The following ABCC3 variants were observed in gnomAD, a reference collection of about 807,000 sequenced individuals.
The protein encoded by ABCC3 is ATP-binding cassette sub-family C member 3.
ABCC3 carries 121 observed loss-of-function variants against 165.3 expected under a neutral mutation model. The ratio of observed to expected loss-of-function variants is 0.73; its 90% CI spans 0.63 to 0.85. The LOEUF is 0.85. ABCC3 is among the 40% of genes least tolerant of loss of function. ABCC3 has a pLI of 0.00. For synonymous variants in ABCC3, 733 were observed against 810.1 expected, an observed-to-expected ratio of 0.90 and a Z score of 1.62; for missense variants, 1,869 against 1,964.1, an observed-to-expected ratio of 0.95 and a Z score of 0.92.
chr17:50,691,233 C>T lies in ABCC3; in HGVS notation c.*33C>T, dbSNP rs759960456. The stretch of plus-strand genomic sequence containing the variant: ...TCCTGAGATTTCCTCCTGGCCTTTC[C>T]TGGTTTTCATCAGGAAGGAAATGAC... On this transcript the variant is annotated 3_prime_UTR_variant, in exon 31 of 31. Transcript: ENST00000285238. The T allele has an allele frequency of 6.5e-7, 1 of 1,549,960 alleles. No individual in the cohort carries two copies. Among genetic ancestry groups the T allele is most frequent in the Non-Finnish European group, 8.9e-7 (1 of 1,122,220 alleles).
intron 6 of ABCC3, 52 bp from the exon 7 acceptor site, chr17:50,659,185 G>C (rs373014894): frequency 1.2e-6 from 2 of 1,600,268 alleles, no homozygotes; most frequent in African/African-American, 2.7e-5. Flanking sequence ...GCTCCAGGCT[G>C]CTAAACCCTG....
chr17:50,656,608 T>A (rs1346911891), intron 2 of ABCC3, 94 bp from the exon 3 acceptor site: 2 of 1,502,576 alleles, frequency 1.3e-6, no homozygotes, highest in East Asian at 4.7e-5. Flanking sequence ...GCAGGTCTAG[T>A]GGATTCTGGT....
intron 11 of ABCC3, among the ~76,000 whole-genome samples, chr17:50,665,605 T>C (rs530554947): frequency 2.8e-5 from 4 of 142,994 alleles, no homozygotes; most frequent in South Asian, 2.2e-4. Context: ...AAGTGTTTTT[T>C]TTCTTTTTTT....
chr17:50,676,115 G>A (rs1967798941), intron 22 of ABCC3, 25 bp downstream of exon 22: 2 of 1,613,588 alleles, frequency 1.2e-6, no homozygotes, highest in East Asian at 2.2e-5. Context: ...GTGTCCAGAA[G>A]GGGCTCCAAT....
chr17:50,637,369 A>T (rs994133118), intron 1 of ABCC3, among the ~76,000 whole-genome samples: 1 of 152,176 alleles, frequency 6.6e-6, no homozygotes, highest in Admixed American at 6.5e-5. Context: ...ATCCTCTGCC[A>T]CAGCCTAATT....
chr17:50,675,581 T>G, intron 20 of ABCC3, 50 bp from the exon 21 acceptor site: 1 of 1,563,074 alleles, frequency 6.4e-7, no homozygotes, highest in Middle Eastern at 2.1e-4. Flanking sequence ...GCCTCTGTCC[T>G]GGGGGGTGCT....
At chr17:50,672,322 A>G (rs1967665833) in intron 17 of ABCC3, among the ~76,000 whole-genome samples, 1 of 152,244 alleles carries the variant, frequency 6.6e-6, no homozygotes, top group African/African-American at 2.4e-5. Context: ...CTCAAGGCAT[A>G]TCCATGTTGT....
chr17:50,675,683 C>T lies in ABCC3; in HGVS notation c.2767C>T (p.Arg923Trp), dbSNP rs371874263. ...DGEGQGRPVPRRHLGPSEKVQ... is the reference protein window; with the variant it reads ...DGEGQGRPVPWRHLGPSEKVQ... ...GGAGGGACAGGGTCGGCCTGTACCC[C>T]GGAGGCACCTGGGTCCATCAGAGAA... Residue 923 changes from arginine (R) to tryptophan (W), a missense_variant, in exon 21 of 31, where the codon CGG (arginine) becomes TGG (tryptophan). By Grantham distance (101) the Arg-to-Trp change is moderately radical. Transcript: ENST00000285238. The T allele has an allele frequency of 7.6e-6, 12 of 1,572,726 alleles. No homozygotes were observed. Among genetic ancestry groups the T allele is most frequent in the Admixed American group, 5.7e-5 (3 of 53,016 alleles).
chr17:50,666,008 C>A (rs1006329900), intron 11 of ABCC3, among the ~76,000 whole-genome samples: 6 of 152,116 alleles, frequency 3.9e-5, no homozygotes, highest in Admixed American at 6.5e-5. Context: ...GTCCTCACCC[C>A]CTGCGGACTG....
rs754930401 is a variant in ABCC3, at chr17:50,676,271, C to G, written c.3068-7C>G. 9.3e-6 allele frequency: 15 copies of G among 1,609,266 alleles called. No individual in the cohort carries two copies. The highest frequency in any genetic ancestry group is 1.3e-5 in the Non-Finnish European group (15 of 1,177,460). Reference sequence around the variant, plus strand: ...GGTGAGCCAGCGCCCTCTGCCTTCTCCAACAGGGTTCTTGGTGATGCTGGC... The same window carrying G: ...GGTGAGCCAGCGCCCTCTGCCTTCTGCAACAGGGTTCTTGGTGATGCTGGC... On this transcript the variant is annotated splice_region_variant and splice_polypyrimidine_tract_variant and intron_variant, in intron 22 of 30. Coordinates refer to ENST00000285238, the MANE Select transcript of ABCC3 (RefSeq NM_003786.4).
chr17:50,654,240 T>C (rs1967176228), intron 1 of ABCC3, among the ~76,000 whole-genome samples: 1 of 152,190 alleles, frequency 6.6e-6, no homozygotes, highest in Non-Finnish European at 1.5e-5. Context: ...GTGGATGAGA[T>C]TGTGGGTGGT....
chr17:50,687,754 T>C (rs778581585), intron 30 of ABCC3, 24 bp downstream of exon 30: 1 of 1,605,950 alleles, frequency 6.2e-7, no homozygotes, highest in South Asian at 1.1e-5. Flanking sequence ...ACCTGAGCAA[T>C]GGGGAACCTG....
In ABCC3 at chr17:50,669,266, G is replaced by A. The variant is rs1475129904; in HGVS notation, c.2064G>A (p.Lys688=). The A allele has an allele frequency of 1.2e-6, 2 of 1,614,124 alleles. No homozygotes were observed. The highest frequency in any genetic ancestry group is 1.7e-6 in the Non-Finnish European group (2 of 1,180,018). Residue 688 remains lysine, a splice_region_variant and synonymous_variant, in exon 16 of 31, where the codon AAG becomes AAA. Coordinates refer to ENST00000285238, the MANE Select transcript of ABCC3 (RefSeq NM_003786.4). ...MEKLEGKVHM[K]GSVAYVPQQA... is the part of the protein sequence containing the mutation. Reference sequence around the variant, plus strand: ...AGCTAGAAGGCAAAGTGCACATGAAGGTGAGAGAGGCAGGGGCTCCTGGGC... The same window carrying A: ...AGCTAGAAGGCAAAGTGCACATGAAAGTGAGAGAGGCAGGGGCTCCTGGGC...
rs953805165 is a variant in ABCC3 at position 50,674,882 on chromosome 17, C to A, written c.2600-480C>A. Among the ~76,000 whole-genome samples, 83 of 151,640 alleles carry A rather than the reference C, an allele frequency of 5.5e-4. 1 individual carries two copies. The highest frequency in any genetic ancestry group is 2.0e-4 in the Admixed American group (3 of 15,200). ...CGGTGCGATCTTGGCTCACTGCAAC[C>A]TTTGCCTCCTGGGTTCAAGCGATTC... is the stretch of plus-strand genomic sequence containing the variant. On this transcript the variant is annotated intron_variant, in intron 19 of 30. Coordinates refer to ENST00000285238, the MANE Select transcript of ABCC3 (RefSeq NM_003786.4).
chr17:50,673,586 G>A lies in ABCC3; in HGVS notation c.2527G>A (p.Gly843Ser), dbSNP rs759454160. Reference protein sequence around the residue: ...GPYPALLQRNGSFANFLCNYA... With the variant: ...GPYPALLQRNSSFANFLCNYA... ...GTACCCAGCCCTGCTGCAGCGCAACGGCTCCTTTGCCAACTTTCTCTGCAA... is the reference window on the plus strand; with the variant it reads ...GTACCCAGCCCTGCTGCAGCGCAACAGCTCCTTTGCCAACTTTCTCTGCAA... Residue 843 changes from glycine (G) to serine (S), a missense_variant, in exon 19 of 31, where the codon GGC becomes AGC. Physicochemically the swap from Gly to Ser is moderately conservative, Grantham distance 56. Transcript: ENST00000285238. The A allele has an allele frequency of 2.4e-5, 38 of 1,614,050 alleles. No individual in the cohort carries two copies. The Admixed American group carries it at 3.0e-4, about 13-fold the overall frequency.
At chr17:50,670,900 G>C (rs950303671) in intron 17 of ABCC3, among the ~76,000 whole-genome samples, 2 of 152,132 alleles carry the variant, frequency 1.3e-5, no homozygotes, top group Admixed American at 6.6e-5. Flanking sequence ...AAAAAACATG[G>C]AACACTGGGG....
chr17:50,684,747 G>C lies in ABCC3; in HGVS notation c.4152G>C (p.Leu1384=), dbSNP rs1166728160. 8.1e-6 allele frequency: 13 copies of C among 1,614,102 alleles called. No individual in the cohort carries two copies. The highest frequency in any genetic ancestry group is 1.1e-5 in the Non-Finnish European group (13 of 1,180,004). The change falls in exon 29 of 31, where the codon CTG becomes CTC. Residue 1384 remains leucine (L), a synonymous_variant. Coordinates refer to ENST00000285238, the MANE Select transcript of ABCC3 (RefSeq NM_003786.4). ...TCTCGGGGACCCTGCGCATGAACCT[G>C]GACCCCTTCGGCAGCTACTCAGAGG... is the stretch of plus-strand genomic sequence containing the variant. ...ILFSGTLRMN[L]DPFGSYSEED... is the part of the protein sequence containing the mutation.
intron 23 of ABCC3, among the ~76,000 whole-genome samples, chr17:50,677,460 A>G (rs1967844189): frequency 1.3e-5 from 2 of 152,132 alleles, no homozygotes; most frequent in Non-Finnish European, 2.9e-5. Flanking sequence ...TCAGATAGAC[A>G]TCCTGTATAG....
intron 1 of ABCC3, among the ~76,000 whole-genome samples, chr17:50,652,672 T>G (rs1967134254): frequency 6.6e-6 from 1 of 152,210 alleles, no homozygotes; most frequent in Non-Finnish European, 1.5e-5. Context: ...TTGTTGTTCA[T>G]GAAGTTAGCC....
Sources: gnomAD v4.1 joint callset for allele counts (sites outside exome capture counted in the v4.1 genomes callset) on GRCh38, gnomAD v4.1.1 for gene constraint, MANE v1.5 for transcripts, NCBI Gene and HGNC (gene_info 2026-07-23, HGNC 2026-07-21) for gene names.